PRELID2: variants seen among roughly 807,000 people sequenced by gnomAD.
PRELID2 encodes the protein PRELI domain containing 2, also known as PRELI domain-containing protein 2.
PRELID2 carries 25 observed loss-of-function variants against 28.4 expected under a neutral mutation model. The ratio of observed to expected loss-of-function variants is 0.88; its 90% CI spans 0.64 to 1.23. PRELID2 has a LOEUF of 1.23. PRELID2 is among the 50% of genes most tolerant of loss of function. PRELID2 has a pLI of 0.00. For missense variants in PRELID2, 201 were observed against 214.4 expected (o/e 0.94, Z 0.39); for synonymous variants, 76 against 71.6 (o/e 1.06, Z -0.31).
chr5:145,818,634 G>C (rs956460294), intron 3 of PRELID2, among the ~76,000 whole-genome samples: 2 of 152,030 alleles, frequency 1.3e-5, no homozygotes, highest in African/African-American at 4.8e-5. Flanking sequence ...ACACACTCTG[G>C]AAAAAGCCAG....
intron 1 of PRELID2, among the ~76,000 whole-genome samples, chr5:145,745,539 T>C (rs1443175232): frequency 1.3e-5 from 2 of 152,066 alleles, no homozygotes; most frequent in African/African-American, 2.4e-5. Flanking sequence ...AGCCAGAAGA[T>C]ACTTGGGGCC....
At chr5:145,349,072 G>C in the PRELID2 span, among the ~76,000 whole-genome samples, 3 of 151,826 alleles carry the variant, frequency 2.0e-5, no homozygotes, top group Non-Finnish European at 2.9e-5. Context: ...GTCCTTTTTT[G>C]ACCTATGTCT....
intron 1 of PRELID2, among the ~76,000 whole-genome samples, chr5:145,645,941 C>G (rs955882076): frequency 6.6e-6 from 1 of 152,166 alleles, no homozygotes; most frequent in Non-Finnish European, 1.5e-5. Flanking sequence ...GTAACCCGAC[C>G]TTTTTCTCTG....
the PRELID2 span, among the ~76,000 whole-genome samples, chr5:145,333,761 C>G: frequency 6.8e-6 from 1 of 146,146 alleles, no homozygotes; most frequent in Non-Finnish European, 1.5e-5. Context: ...CTTCAGCCCC[C>G]TTTTAAGGGG....
intron 1 of PRELID2, among the ~76,000 whole-genome samples, chr5:145,559,126 G>C (rs1424553268): frequency 6.6e-6 from 1 of 152,016 alleles, no homozygotes; most frequent in Non-Finnish European, 1.5e-5. Context: ...GTAGTGGCAG[G>C]CGCCTGTAGT....
the PRELID2 span, among the ~76,000 whole-genome samples, chr5:145,342,132 C>T: frequency 6.6e-6 from 1 of 152,102 alleles, no homozygotes; most frequent in African/African-American, 2.4e-5. Context: ...AATAAACTAC[C>T]AGCGAAGAAT....
the PRELID2 span, among the ~76,000 whole-genome samples, chr5:145,415,212 C>T: frequency 1.3e-5 from 2 of 152,034 alleles, no homozygotes; most frequent in African/African-American, 2.4e-5. Context: ...AATCGAACAA[C>T]GTGTTCCTGA....
At chr5:145,654,168 G>C (rs916390016) in intron 1 of PRELID2, among the ~76,000 whole-genome samples, 1 of 152,156 alleles carries the variant, frequency 6.6e-6, no homozygotes, top group Middle Eastern at 3.4e-3. Flanking sequence ...ATAAATTCCT[G>C]GACACATACA....
chr5:145,476,592 C>G (rs769343604), intron 1 of PRELID2, among the ~76,000 whole-genome samples: 2 of 151,928 alleles, frequency 1.3e-5, no homozygotes, highest in African/African-American at 2.4e-5. Flanking sequence ...TTACAGTGAG[C>G]CGAGATTGCG....
the PRELID2 span, among the ~76,000 whole-genome samples, chr5:145,254,141 T>G: frequency 6.6e-6 from 1 of 152,122 alleles, no homozygotes; most frequent in Admixed American, 6.6e-5. Context: ...AAAATTTCAG[T>G]GAACTTTCAA....
At chr5:145,356,570 G>A in the PRELID2 span, among the ~76,000 whole-genome samples, 1 of 149,632 alleles carries the variant, frequency 6.7e-6, no homozygotes, top group African/African-American at 2.5e-5. Context: ...AGTCTGTTTT[G>A]TCTGAAATTA....
chr5:145,494,047 C>T (rs532783972), intron 1 of PRELID2, among the ~76,000 whole-genome samples: 68 of 152,298 alleles, frequency 4.5e-4, no homozygotes, highest in African/African-American at 1.5e-3. Context: ...CTTAGATTCA[C>T]ACACTGTGCA....
chr5:145,233,486 G>C, the PRELID2 span, among the ~76,000 whole-genome samples: 1 of 152,234 alleles, frequency 6.6e-6, no homozygotes, highest in Non-Finnish European at 1.5e-5. Context: ...CGGACTTGGA[G>C]AAGGCAGTCA....
chr5:145,310,953 C>A, the PRELID2 span, among the ~76,000 whole-genome samples: 1 of 151,724 alleles, frequency 6.6e-6, no homozygotes, highest in Non-Finnish European at 1.5e-5. Context: ...TTCTCCATAC[C>A]AACTCTTCAT....
chr5:145,611,535 T>A (rs1006881352), intron 1 of PRELID2, among the ~76,000 whole-genome samples: 1 of 152,164 alleles, frequency 6.6e-6, no homozygotes, highest in Admixed American at 6.5e-5. Flanking sequence ...TTCTAAGACC[T>A]TTCATAATAG....
chr5:145,539,976 T>G (rs73307666), intron 1 of PRELID2, among the ~76,000 whole-genome samples: 1 of 151,828 alleles, frequency 6.6e-6, no homozygotes, highest in Non-Finnish European at 1.5e-5. Context: ...CTTTTCTTAT[T>G]TTTTTATTTT....
chr5:145,644,843 C>T lies in PRELID2; in HGVS notation n.70+120088G>A, dbSNP rs574544344. On this transcript the variant is annotated intron_variant and non_coding_transcript_variant, in intron 1 of 2. Coordinates refer to the PRELID2 transcript ENST00000510259. ...TGTGGTTTTGAGTGAGTTTCTTAATCCTGAGTTCTAATTTGATTGCGCTGT... is the reference window on the plus strand; with the variant it reads ...TGTGGTTTTGAGTGAGTTTCTTAATTCTGAGTTCTAATTTGATTGCGCTGT... Among the ~76,000 whole-genome samples the T allele has an allele frequency of 4.6e-5, 7 of 152,238 alleles. No homozygotes were observed. In the East Asian group the frequency reaches 1.3e-3, roughly 29 times the overall value.
the PRELID2 span, among the ~76,000 whole-genome samples, chr5:145,320,833 A>G: frequency 6.6e-6 from 1 of 152,214 alleles, no homozygotes; most frequent in Non-Finnish European, 1.5e-5. Flanking sequence ...CAATCCAATT[A>G]GACATTTGAC....
intron 1 of PRELID2, among the ~76,000 whole-genome samples, chr5:145,749,274 G>GA (rs201872929): frequency 3.4e-4 from 52 of 151,844 alleles, no homozygotes; most frequent in Admixed American, 3.1e-3. Context: ...AAATTTACAA[G>GA]AAAAAAACAA....
Sources: allele counts gnomAD v4.1 joint callset (sites outside exome capture counted in the v4.1 genomes callset), GRCh38; gene constraint gnomAD v4.1.1; transcripts MANE v1.5; gene names NCBI Gene and HGNC (gene_info 2026-07-23, HGNC 2026-07-21).